Variants in EPB41L3 observed in about 807,000 individuals in gnomAD.
EPB41L3 encodes the protein erythrocyte membrane protein band 4.1 like 3.
Under a neutral mutation model 127.1 loss-of-function variants are expected in EPB41L3, and 57 were observed. The observed-to-expected ratio is 0.45, with a 90% CI of 0.36 to 0.56. The LOEUF (loss-of-function observed/expected upper bound fraction) is 0.56. EPB41L3 is among the 20% of genes least tolerant of loss of function. The pLI is 0.00. For synonymous variants in EPB41L3, 572 were observed against 549.5 expected (o/e 1.04, Z -0.57); for missense variants, 1,273 against 1,372.2 (o/e 0.93, Z 1.14).
chr18:5,603,694 G>A (rs1407623188), intron 3 of EPB41L3, among the ~76,000 whole-genome samples: 1 of 151,970 alleles, frequency 6.6e-6, no homozygotes, highest in Admixed American at 6.6e-5. Flanking sequence ...ACCAGCCTGG[G>A]CAACATAGTA....
intron 3 of EPB41L3, among the ~76,000 whole-genome samples, chr18:5,446,486 C>G (rs908588614): frequency 6.6e-6 from 1 of 152,178 alleles, no homozygotes; most frequent in African/African-American, 2.4e-5. Flanking sequence ...TGTTTGTGCG[C>G]TACTAACATT....
chr18:5,569,089 C>A (rs2094244688), intron 3 of EPB41L3, among the ~76,000 whole-genome samples: 1 of 152,164 alleles, frequency 6.6e-6, no homozygotes, highest in South Asian at 2.1e-4. Flanking sequence ...CATTTTAGAA[C>A]AATTTTCAGT....
chr18:5,559,666 C>T (rs1785392), intron 3 of EPB41L3, among the ~76,000 whole-genome samples: 14,910 of 152,102 alleles, frequency 0.098, 767 homozygotes, highest in East Asian at 0.13. Flanking sequence ...TTTATAAACT[C>T]ATGATTATTT....
chr18:5,630,178 G>A (rs919604479), upstream of EPB41L3, among the ~76,000 whole-genome samples: 2 of 152,196 alleles, frequency 1.3e-5, no homozygotes, highest in African/African-American at 4.8e-5. Flanking sequence ...CTAGTCTCCA[G>A]GTGCCCGTCT....
At chr18:5,492,938 A>G (rs903894872) in intron 1 of EPB41L3, among the ~76,000 whole-genome samples, 26 of 152,234 alleles carry the variant, frequency 1.7e-4, no homozygotes, top group Non-Finnish European at 4.4e-5. Context: ...TGAGCTTCAA[A>G]GGATGCATGT....
chr18:5,440,745 C>T (rs1347578296), intron 5 of EPB41L3, among the ~76,000 whole-genome samples: 1 of 152,150 alleles, frequency 6.6e-6, no homozygotes, highest in Non-Finnish European at 1.5e-5. Context: ...GCGATATATG[C>T]TCTATGTCAT....
upstream of EPB41L3, among the ~76,000 whole-genome samples, chr18:5,548,156 A>T (rs2093911721): frequency 6.6e-6 from 1 of 152,240 alleles, no homozygotes; most frequent in Non-Finnish European, 1.5e-5. Flanking sequence ...TGAAATCAGG[A>T]TATAAAGTCT....
chr18:5,542,344 A>AATTTC (rs138348276), intron 1 of EPB41L3, among the ~76,000 whole-genome samples: 6,851 of 152,234 alleles, frequency 0.045, 380 homozygotes, highest in African/African-American at 0.13. Flanking sequence ...AATCAAGGTA[A>AATTTC]ATTTCAAAAA....
At chr18:5,478,577 TA>T in intron 2 of EPB41L3, 139 bp from the exon 3 acceptor site, 12 of 702,996 alleles carry the variant, frequency 1.7e-5, no homozygotes, top group Non-Finnish European at 2.5e-5. Flanking sequence ...GATATAAATA[TA>T]CAGATATTTA....
chr18:5,501,518 C>G (rs1366842335), intron 1 of EPB41L3, among the ~76,000 whole-genome samples: 2 of 152,184 alleles, frequency 1.3e-5, no homozygotes, highest in Non-Finnish European at 2.9e-5. Context: ...TCCTTTCGAT[C>G]TCAACATTTT....
upstream of EPB41L3, among the ~76,000 whole-genome samples, chr18:5,546,259 G>T (rs12607868): frequency 0.56 from 84,297 of 151,524 alleles, 25,959 homozygotes; most frequent in Non-Finnish European, 0.68. Flanking sequence ...TAAGCCAGGC[G>T]CAGTGGCTCA....
At chr18:5,441,621 A>C (rs1484879734) in intron 5 of EPB41L3, among the ~76,000 whole-genome samples, 4 of 152,036 alleles carry the variant, frequency 2.6e-5, no homozygotes, top group African/African-American at 9.7e-5. Context: ...GCACGCCACC[A>C]TGCCCGGCTA....
At chr18:5,492,571 T>C (rs2090728175) in intron 1 of EPB41L3, among the ~76,000 whole-genome samples, 1 of 152,224 alleles carries the variant, frequency 6.6e-6, no homozygotes, top group African/African-American at 2.4e-5. Context: ...GGTTCCCTTC[T>C]CTTCTGATAG....
chr18:5,469,391 C>A (rs2085646649), intron 3 of EPB41L3, among the ~76,000 whole-genome samples: 1 of 152,222 alleles, frequency 6.6e-6, no homozygotes, highest in Admixed American at 6.5e-5. Flanking sequence ...CAGGCTTGCC[C>A]AGAGCTGGTG....
chr18:5,431,506 T>C (rs2079004223), intron 8 of EPB41L3: 1 of 152,236 alleles, frequency 6.6e-6, no homozygotes. Context: ...TAATTTGAAA[T>C]CACATTATTA....
chr18:5,420,100 TC>T (rs1277721395), intron 11 of EPB41L3: 1 of 817,564 alleles, frequency 1.2e-6, no homozygotes, highest in African/African-American at 1.7e-5. Flanking sequence ...AGCATGACCT[TC>T]CTGTATTTCC....
chr18:5,495,077 G>A (rs1030299860), intron 1 of EPB41L3, among the ~76,000 whole-genome samples: 1 of 152,258 alleles, frequency 6.6e-6, no homozygotes. Flanking sequence ...TAAAATTCAG[G>A]ACTGGTCATT....
intron 2 of EPB41L3, among the ~76,000 whole-genome samples, chr18:5,613,800 A>G (rs1054212997): frequency 2.0e-5 from 3 of 152,184 alleles, no homozygotes; most frequent in African/African-American, 7.2e-5. Context: ...CCTTTACCCG[A>G]AGCTATTTTT....
At chr18:5,538,995 ATTTT>A (rs757227800) in intron 1 of EPB41L3, among the ~76,000 whole-genome samples, 2,044 of 115,168 alleles carry the variant, frequency 0.018, 31 homozygotes, top group African/African-American at 0.052. Flanking sequence ...TTTCTCCAAG[ATTTT>A]TTTTTTTTTT....
Sources: gnomAD v4.1 joint callset for allele counts (sites outside exome capture counted in the v4.1 genomes callset) on GRCh38, gnomAD v4.1.1 for gene constraint, MANE v1.5 for transcripts, NCBI Gene and HGNC (gene_info 2026-07-23, HGNC 2026-07-21) for gene names.